The following ACOXL variants were observed in gnomAD, a reference collection of about 807,000 sequenced individuals.
The protein encoded by ACOXL is acyl-CoA oxidase like, also known as acyl-coenzyme A oxidase-like protein.
In ACOXL, 70 loss-of-function variants were observed where a neutral mutation model predicts 71.9. The ratio of observed to expected loss-of-function variants is 0.97; its 90% CI spans 0.80 to 1.19. The LOEUF (loss-of-function observed/expected upper bound fraction) is 1.19, where lower values mean the gene tolerates loss of function less well. Among genes scored for constraint, ACOXL ranks in the 50% most tolerant of loss-of-function variants. The probability of loss-of-function intolerance (pLI) is 0.00; values close to 1 mark genes in which losing one functional copy is unlikely to be tolerated. For missense variants in ACOXL, 703 were observed against 736.3 expected (o/e 0.95, Z 0.52); for synonymous variants, 253 against 281.6 (o/e 0.90, Z 1.02).
chr2:110,799,439 C>G (rs1043619283), intron 7 of ACOXL, among the ~76,000 whole-genome samples: 3 of 152,130 alleles, frequency 2.0e-5, no homozygotes, highest in Non-Finnish European at 4.4e-5. Context: ...TCTTTGTACC[C>G]CTGGCCACCT....
At chr2:111,081,110 C>T (rs564962791) in intron 16 of ACOXL, among the ~76,000 whole-genome samples, 1 of 152,278 alleles carries the variant, frequency 6.6e-6, no homozygotes, top group Non-Finnish European at 1.5e-5. Flanking sequence ...AAAACCAGCA[C>T]AAGCCAAGAA....
At chr2:110,737,030 A>C (rs1218780600) in intron 1 of ACOXL, among the ~76,000 whole-genome samples, 4 of 151,480 alleles carry the variant, frequency 2.6e-5, no homozygotes, top group Admixed American at 2.0e-4. Context: ...GCATTTTTCT[A>C]TTTTTCTTGG....
At chr2:111,056,599 TAA>T (rs1238152761) in intron 16 of ACOXL, among the ~76,000 whole-genome samples, 1 of 151,870 alleles carries the variant, frequency 6.6e-6, no homozygotes, top group Non-Finnish European at 1.5e-5. Flanking sequence ...CCATCCTGGC[TAA>T]CACGGTGAAA....
At chr2:110,873,497 G>T (rs1695519367) in intron 10 of ACOXL, among the ~76,000 whole-genome samples, 1 of 152,190 alleles carries the variant, frequency 6.6e-6, no homozygotes, top group African/African-American at 2.4e-5. Context: ...TCTTATGTAT[G>T]CCTCTCAGCA....
chr2:110,835,544 G>A (rs1231497282), intron 9 of ACOXL, among the ~76,000 whole-genome samples: 1 of 152,166 alleles, frequency 6.6e-6, no homozygotes, highest in East Asian at 1.9e-4. Context: ...CTGGTCTCCC[G>A]TGAGCACCAG....
chr2:110,921,871 T>C (rs933665244), intron 11 of ACOXL, among the ~76,000 whole-genome samples: 4 of 152,240 alleles, frequency 2.6e-5, no homozygotes, highest in Non-Finnish European at 5.9e-5. Flanking sequence ...CCTTAAGACT[T>C]CCCTTTCCAC....
At chr2:110,782,439 C>T (rs1683453196) in intron 2 of ACOXL, among the ~76,000 whole-genome samples, 2 of 152,186 alleles carry the variant, frequency 1.3e-5, no homozygotes, top group South Asian at 2.1e-4. Flanking sequence ...AGCTTATTCT[C>T]AGTTCTGGAA....
intron 10 of ACOXL, among the ~76,000 whole-genome samples, chr2:110,845,542 A>C (rs1049769845): frequency 2.0e-5 from 3 of 152,192 alleles, no homozygotes; most frequent in Admixed American, 6.5e-5. Flanking sequence ...GAGCGTTTTC[A>C]ACATTGCAAA....
intron 16 of ACOXL, among the ~76,000 whole-genome samples, chr2:111,073,956 T>A (rs551837089): frequency 6.6e-6 from 1 of 152,298 alleles, no homozygotes; most frequent in East Asian, 1.9e-4. Flanking sequence ...ATGTACATGT[T>A]TTTGTAGATT....
intron 10 of ACOXL, among the ~76,000 whole-genome samples, chr2:110,856,744 G>T (rs139095863): frequency 3.2e-4 from 48 of 152,328 alleles, no homozygotes; most frequent in African/African-American, 1.1e-3. Flanking sequence ...TGGCAGTGGG[G>T]TTCAGTACTC....
chr2:111,108,300 CT>C (rs2069687707), intron 17 of ACOXL, among the ~76,000 whole-genome samples: 1 of 144,490 alleles, frequency 6.9e-6, no homozygotes, highest in Non-Finnish European at 1.5e-5. Flanking sequence ...CCCCAAATTG[CT>C]TTGTTTCCCT....
intron 10 of ACOXL, among the ~76,000 whole-genome samples, chr2:110,844,004 A>G (rs572189164): frequency 6.6e-6 from 1 of 152,354 alleles, no homozygotes; most frequent in South Asian, 2.1e-4. Context: ...AGCGAGTGGT[A>G]GCCCAGTGAA....
At chr2:110,990,940 T>G (rs2063145462) in intron 13 of ACOXL, among the ~76,000 whole-genome samples, 1 of 152,206 alleles carries the variant, frequency 6.6e-6, no homozygotes, top group Admixed American at 6.5e-5. Flanking sequence ...ATTTATGGTT[T>G]TCCATTCTTG....
At chr2:111,060,196 G>C (rs559531595) in intron 16 of ACOXL, among the ~76,000 whole-genome samples, 1 of 152,278 alleles carries the variant, frequency 6.6e-6, no homozygotes, top group South Asian at 2.1e-4. Flanking sequence ...AGTGACACTG[G>C]AGACCATCTG....
rs758389033 is a variant in ACOXL at position 110,798,673 on chromosome 2, G to T, written c.409G>T (p.Gly137Trp). ...EKMYIGNAMY[G>W]NYAAVFAQLI... ...GATGTATATTGGAAATGCCATGTAC[G>T]GGAATTATGCAGCTGTCTTTGCCCA... Residue 137 changes from glycine to tryptophan, a missense_variant, in exon 6 of 18, where the codon GGG (glycine) becomes TGG (tryptophan). Coordinates refer to ENST00000439055, the MANE Select transcript of ACOXL (RefSeq NM_001142807.4). 1 of 1,614,090 alleles carries T rather than the reference G, an allele frequency of 6.2e-7. No individual in the cohort carries two copies. Among genetic ancestry groups the T allele is most frequent in the Non-Finnish European group, 8.5e-7 (1 of 1,180,016 alleles).
chr2:110,995,912 G>C lies in ACOXL; in HGVS notation c.1189G>C (p.Asp397His), dbSNP rs781264944. ...TTTCAGTTTCCTGGCATTTAACATGGACACAGTTGATGATCTCGCCTTTCT... is the reference window on the plus strand; with the variant it reads ...TTTCAGTTTCCTGGCATTTAACATGCACACAGTTGATGATCTCGCCTTTCT... ...LRTSFLAFNM[D>H]TVDDLAFLLK... Residue 397 changes from aspartate to histidine, a missense_variant, in exon 14 of 18, where the codon GAC (aspartate) becomes CAC (histidine). By Grantham distance (81) the Asp-to-His change is moderately conservative. Coordinates refer to ENST00000439055, the MANE Select transcript of ACOXL (RefSeq NM_001142807.4). The C allele has an allele frequency of 1.9e-6, 3 of 1,613,910 alleles. No individual in the cohort carries two copies. The East Asian group carries it at 6.7e-5, about 36-fold the overall frequency.
chr2:110,740,215 A>G (rs1677347072), intron 1 of ACOXL, among the ~76,000 whole-genome samples: 1 of 152,228 alleles, frequency 6.6e-6, no homozygotes, highest in African/African-American at 2.4e-5. Flanking sequence ...ATCTGCATGG[A>G]AAACGCTGAC....
At chr2:110,992,132 C>CA (rs1409101920) in intron 13 of ACOXL, among the ~76,000 whole-genome samples, 3 of 152,212 alleles carry the variant, frequency 2.0e-5, no homozygotes, top group Non-Finnish European at 2.9e-5. Flanking sequence ...TTTTCCAGCA[C>CA]AGAGTTGAGA....
intron 9 of ACOXL, among the ~76,000 whole-genome samples, chr2:110,828,007 G>A (rs1340272350): frequency 6.6e-6 from 1 of 152,112 alleles, no homozygotes; most frequent in African/African-American, 2.4e-5. Context: ...ATCTTGCTCT[G>A]TCGCCCAGGC....
Sources: allele counts gnomAD v4.1 joint callset (sites outside exome capture counted in the v4.1 genomes callset), GRCh38; gene constraint gnomAD v4.1.1; transcripts MANE v1.5; gene names NCBI Gene and HGNC (gene_info 2026-07-23, HGNC 2026-07-21).